AFG2A: variants seen among roughly 807,000 people sequenced by gnomAD.
AFG2A encodes ATPase family gene 2 protein homolog A.
At chr4:123,071,251 C>T in the AFG2A span, among the ~76,000 whole-genome samples, 7 of 152,048 alleles carry the variant, frequency 4.6e-5, no homozygotes, top group Non-Finnish European at 7.4e-5. Flanking sequence ...GAGGCCAAGG[C>T]GGGTGGATCA....
At chr4:123,318,351 G>A in the AFG2A span, 1 of 152,158 alleles carries the variant, frequency 6.6e-6, no homozygotes, top group South Asian at 2.1e-4. Flanking sequence ...CTGTAGTCCT[G>A]CAAAGGAGTT....
the AFG2A span, among the ~76,000 whole-genome samples, chr4:123,158,640 A>G: frequency 6.6e-6 from 1 of 152,182 alleles, no homozygotes; most frequent in Admixed American, 6.6e-5. Flanking sequence ...GTATATAAAC[A>G]TACTTATTAT....
the AFG2A span, among the ~76,000 whole-genome samples, chr4:122,987,988 T>G: frequency 6.6e-6 from 1 of 152,246 alleles, no homozygotes; most frequent in Middle Eastern, 3.4e-3. Context: ...AATACCCACA[T>G]TTTTATTTGG....
the AFG2A span, among the ~76,000 whole-genome samples, chr4:122,938,887 A>G: frequency 6.6e-6 from 1 of 151,710 alleles, no homozygotes; most frequent in East Asian, 2.0e-4. Context: ...GAGCCGCTAC[A>G]TCTGGCCTTA....
At chr4:122,961,544 G>A in the AFG2A span, among the ~76,000 whole-genome samples, 1 of 152,068 alleles carries the variant, frequency 6.6e-6, no homozygotes, top group South Asian at 2.1e-4. Context: ...TACGCTTTTT[G>A]CCCAGGCCGG....
At chr4:122,986,711 C>T in the AFG2A span, among the ~76,000 whole-genome samples, 9 of 151,964 alleles carry the variant, frequency 5.9e-5, no homozygotes, top group African/African-American at 2.2e-4. Context: ...ACTCATGTAA[C>T]CAAATACCAC....
At chr4:123,270,843 C>T in the AFG2A span, among the ~76,000 whole-genome samples, 1 of 152,128 alleles carries the variant, frequency 6.6e-6, no homozygotes, top group Non-Finnish European at 1.5e-5. Context: ...TTAGGTTCAA[C>T]CTAAAAAGCC....
the AFG2A span, among the ~76,000 whole-genome samples, chr4:123,068,168 T>G: frequency 2.0e-5 from 3 of 152,340 alleles, no homozygotes; most frequent in East Asian, 5.8e-4. Context: ...TGATTAAGCA[T>G]TTGTATTTAA....
At chr4:122,977,995 G>A in the AFG2A span, among the ~76,000 whole-genome samples, 1 of 151,696 alleles carries the variant, frequency 6.6e-6, no homozygotes, top group African/African-American at 2.4e-5. Context: ...GTGTCCTGCT[G>A]TCAGTGGAGA....
the AFG2A span, among the ~76,000 whole-genome samples, chr4:123,277,990 A>T: frequency 1.3e-5 from 2 of 152,184 alleles, no homozygotes; most frequent in Non-Finnish European, 2.9e-5. Flanking sequence ...GGCCTCATAG[A>T]ACGAGTTGGA....
the AFG2A span, among the ~76,000 whole-genome samples, chr4:123,121,450 C>A: frequency 6.6e-6 from 1 of 152,138 alleles, no homozygotes; most frequent in South Asian, 2.1e-4. Flanking sequence ...CTGACTCACC[C>A]AGAGCAACTT....
At chr4:123,025,072 C>T in the AFG2A span, among the ~76,000 whole-genome samples, 1 of 152,160 alleles carries the variant, frequency 6.6e-6, no homozygotes, top group Non-Finnish European at 1.5e-5. Context: ...GAGACAACAG[C>T]AATTAAATAA....
At chr4:123,159,914 T>A in the AFG2A span, among the ~76,000 whole-genome samples, 1 of 152,196 alleles carries the variant, frequency 6.6e-6, no homozygotes, top group African/African-American at 2.4e-5. Context: ...AGCTTTATTT[T>A]TTAGGCAACA....
the AFG2A span, among the ~76,000 whole-genome samples, chr4:123,004,683 G>A: frequency 1.3e-5 from 2 of 152,272 alleles, no homozygotes; most frequent in Non-Finnish European, 2.9e-5. Context: ...TTGTTCTGTA[G>A]TTTTCTTAGA....
chr4:123,048,224 T>C, the AFG2A span, among the ~76,000 whole-genome samples: 1 of 152,222 alleles, frequency 6.6e-6, no homozygotes, highest in Admixed American at 6.5e-5. Context: ...TCTGTGTGCC[T>C]GTTTTTATGC....
the AFG2A span, among the ~76,000 whole-genome samples, chr4:122,989,277 G>C: frequency 1.3e-5 from 2 of 151,968 alleles, no homozygotes; most frequent in Admixed American, 6.6e-5. Context: ...TAGTCAGCTT[G>C]TCTAGTAGTT....
chr4:122,976,111 A>AC, the AFG2A span, among the ~76,000 whole-genome samples: 1 of 152,220 alleles, frequency 6.6e-6, no homozygotes, highest in Non-Finnish European at 1.5e-5. Context: ...ATTGAGGTAT[A>AC]GTGTTTTGAA....
chr4:123,287,351 A>T, the AFG2A span, among the ~76,000 whole-genome samples: 1 of 152,182 alleles, frequency 6.6e-6, no homozygotes, highest in African/African-American at 2.4e-5. Flanking sequence ...ATCCAGCTCT[A>T]CTGAACCTAC....
chr4:122,936,907 G>A, the AFG2A span, among the ~76,000 whole-genome samples: 13 of 152,224 alleles, frequency 8.5e-5, no homozygotes, highest in African/African-American at 2.9e-4. Flanking sequence ...TTGAACCCAG[G>A]AGGTGGAGGT....
Sources: gnomAD v4.1 joint callset for allele counts (sites outside exome capture counted in the v4.1 genomes callset) on GRCh38, gnomAD v4.1.1 for gene constraint, MANE v1.5 for transcripts, NCBI Gene and HGNC (gene_info 2026-07-23, HGNC 2026-07-21) for gene names.